The following CASP8 variants were observed in gnomAD, a reference collection of about 807,000 sequenced individuals.
CASP8 encodes caspase-8.
CASP8 carries 24 observed loss-of-function variants against 46.3 expected under a neutral mutation model. The ratio of observed to expected loss-of-function variants is 0.52; its 90% CI spans 0.38 to 0.73. The LOEUF (loss-of-function observed/expected upper bound fraction) is 0.73, where lower values mean the gene tolerates loss of function less well. CASP8 is among the 30% of genes least tolerant of loss of function. The pLI, the probability that CASP8 is intolerant of heterozygous loss-of-function variation, is 0.00. For synonymous variants in CASP8, 188 were observed against 200.4 expected (o/e 0.94, Z 0.52); for missense variants, 460 against 559.0 (o/e 0.82, Z 1.79).
At chr2:201,278,906 A>T (rs1948822032) in intron 7 of CASP8, among the ~76,000 whole-genome samples, 1 of 152,216 alleles carries the variant, frequency 6.6e-6, no homozygotes, top group African/African-American at 2.4e-5. Context: ...AGAAGGAATA[A>T]AAAAGGAATA....
chr2:201,257,057 A>C (rs956415214), upstream of CASP8, among the ~76,000 whole-genome samples: 2 of 152,178 alleles, frequency 1.3e-5, no homozygotes, highest in Non-Finnish European at 2.9e-5. Context: ...AGGCAGGAGA[A>C]TCGCTTGAAC....
intron 2 of CASP8, among the ~76,000 whole-genome samples, chr2:201,270,110 T>C (rs1432028192): frequency 6.6e-6 from 1 of 152,250 alleles, no homozygotes; most frequent in Non-Finnish European, 1.5e-5. Flanking sequence ...TTAAAATTAT[T>C]TTCCTTTACA....
intron 2 of CASP8, among the ~76,000 whole-genome samples, chr2:201,237,532 A>G (rs1946110277): frequency 6.6e-6 from 1 of 152,184 alleles, no homozygotes; most frequent in South Asian, 2.1e-4. Flanking sequence ...GAAAATTAGA[A>G]GACTGGAGTG....
At chr2:201,258,097 TTC>T (rs1947113044), upstream of CASP8, 5 of 985,306 alleles carry the variant, frequency 5.1e-6, no homozygotes, top group Non-Finnish European at 8.0e-6. Context: ...TGGTGAAGTT[TTC>T]TCTTTCTCTC....
intron 7 of CASP8, among the ~76,000 whole-genome samples, chr2:201,283,197 C>G (rs1481243350): frequency 1.4e-5 from 1 of 71,534 alleles, no homozygotes; most frequent in South Asian, 7.7e-4. Context: ...ACCTCCTGGA[C>G]GGGGCGGCTG....
intron 2 of CASP8, among the ~76,000 whole-genome samples, chr2:201,235,426 G>A (rs1946008269): frequency 6.6e-6 from 1 of 151,782 alleles, no homozygotes; most frequent in African/African-American, 2.4e-5. Context: ...AATATAATTG[G>A]GCTAAAATCT....
Position 201,272,763 on chromosome 2 carries a change from A to T in CASP8, c.537A>T (p.Glu179Asp). ...KSLLKIINDY[E>D]EFSKERSSSL... ...TGCTGAAGATAATCAACGACTATGAAGAATTCAGCAAAGGTAGAAACAACC... is the reference window on the plus strand; with the variant it reads ...TGCTGAAGATAATCAACGACTATGATGAATTCAGCAAAGGTAGAAACAACC... The change falls in exon 4 of 9, where the codon GAA (glutamate) becomes GAT (aspartate). Residue 179 changes from glutamate to aspartate, a missense_variant. Physicochemically the swap from Glu to Asp is conservative, Grantham distance 45 (BLOSUM62 2). Transcript: ENST00000673742. This position sits in a 1 kb window ranked among gnomAD's most constrained non-coding sequence, Gnocchi z 4.4. The T allele has an allele frequency of 6.2e-7, 1 of 1,614,232 alleles. No homozygotes were observed. The highest frequency in any genetic ancestry group is 8.5e-7 in the Non-Finnish European group (1 of 1,180,040).
At chr2:201,246,627 C>G (rs1946533458) in intron 2 of CASP8, among the ~76,000 whole-genome samples, 1 of 152,188 alleles carries the variant, frequency 6.6e-6, no homozygotes, top group South Asian at 2.1e-4. Flanking sequence ...ACCCCCAGTT[C>G]AGCTGACTGA....
intron 2 of CASP8, among the ~76,000 whole-genome samples, chr2:201,235,927 C>A (rs1340965323): frequency 6.6e-6 from 1 of 152,182 alleles, no homozygotes; most frequent in African/African-American, 2.4e-5. Context: ...CTTTGTAGGT[C>A]TGCATCTTAG....
intron 5 of CASP8, 77 bp from the exon 6 acceptor site, chr2:201,274,812 T>C (rs1399451410): frequency 9.1e-6 from 10 of 1,104,554 alleles, no homozygotes; most frequent in Non-Finnish European, 1.3e-5. Flanking sequence ...TATGTTGTCC[T>C]ATGTGCTACA....
intron 8 of CASP8, among the ~76,000 whole-genome samples, chr2:201,286,011 A>G (rs1949540499): frequency 6.6e-6 from 1 of 152,206 alleles, no homozygotes; most frequent in South Asian, 2.1e-4. Flanking sequence ...ATGCTAAGAG[A>G]TCCTGGTGAG....
Position 201,284,799 on chromosome 2 carries a change from C to A in CASP8, c.803-17C>A. The A allele has an allele frequency of 6.2e-7, 1 of 1,604,948 alleles. No homozygotes were observed. On this transcript the variant is annotated splice_polypyrimidine_tract_variant and intron_variant, in intron 7 of 8. Transcript: ENST00000673742. ...ATTACTGTGGTATAACGTGACTGTTCAAATTTCACTTTTCAGGGGCTTTGA... is the reference window on the plus strand; with the variant it reads ...ATTACTGTGGTATAACGTGACTGTTAAAATTTCACTTTTCAGGGGCTTTGA...
intron 2 of CASP8, among the ~76,000 whole-genome samples, chr2:201,269,866 TGAG>T (rs1948120456): frequency 6.6e-6 from 1 of 152,072 alleles, no homozygotes; most frequent in Non-Finnish European, 1.5e-5. Context: ...GCTTCAATAA[TGAG>T]GAAAGCAAAA....
intron 2 of CASP8, among the ~76,000 whole-genome samples, chr2:201,268,823 TC>T (rs1480501406): frequency 6.6e-6 from 1 of 151,856 alleles, no homozygotes; most frequent in Non-Finnish European, 1.5e-5. Context: ...CTGCCTATGT[TC>T]CCTTCTCTGT....
intron 2 of CASP8, among the ~76,000 whole-genome samples, chr2:201,245,402 G>A (rs1420698718): frequency 6.6e-6 from 1 of 152,000 alleles, no homozygotes; most frequent in African/African-American, 2.4e-5. Flanking sequence ...CACCATGCCT[G>A]GCTAATTTTT....
At chr2:201,255,430 G>A (rs1946971235) in intron 2 of CASP8, among the ~76,000 whole-genome samples, 1 of 152,070 alleles carries the variant, frequency 6.6e-6, no homozygotes, top group South Asian at 2.1e-4. Flanking sequence ...AGAATCTAGG[G>A]TCAGTGCCTT....
chr2:201,244,524 A>G (rs763708142), intron 2 of CASP8, among the ~76,000 whole-genome samples: 4 of 152,132 alleles, frequency 2.6e-5, no homozygotes, highest in Non-Finnish European at 5.9e-5. Flanking sequence ...ACTATCCTCC[A>G]GGGAGGTGGG....
chr2:201,256,916 C>T (rs1576259936), upstream of CASP8, among the ~76,000 whole-genome samples: 2 of 152,248 alleles, frequency 1.3e-5, no homozygotes, highest in African/African-American at 2.4e-5. Flanking sequence ...CAGGCCGAGG[C>T]GGGTGGATCA....
In CASP8 at chr2:201,239,050, T is replaced by C. The variant is rs375056112; in HGVS notation, c.-27+4938T>C. 3.4e-4 allele frequency among the ~76,000 whole-genome samples: 52 copies of C among 152,268 alleles called. 1 individual carries two copies. Among genetic ancestry groups the C allele is most frequent in the Middle Eastern group, 3.4e-3 (1 of 294 alleles). ...CTTAATCCATTCAACCCTGAGTGGA[T>C]ACAGCACATGTTTCAGAGAGCACAG... On this transcript the variant is annotated intron_variant, in intron 2 of 6. Transcript: ENST00000264274.
Sources: gnomAD v4.1 joint callset for allele counts (sites outside exome capture counted in the v4.1 genomes callset) on GRCh38, gnomAD v4.1.1 for gene constraint, Gnocchi (gnomAD v3.1) non-coding constraint, MANE v1.5 for transcripts, NCBI Gene and HGNC (gene_info 2026-07-23, HGNC 2026-07-21) for gene names.